IRS1: variants seen among roughly 807,000 people sequenced by gnomAD.
The protein encoded by IRS1 is insulin receptor substrate 1.
A neutral mutation model predicts 65.6 loss-of-function variants in IRS1; 34 were observed. That is an observed-to-expected ratio of 0.52 (90% confidence interval 0.39 to 0.69). The LOEUF (loss-of-function observed/expected upper bound fraction) is 0.69. Among genes scored for constraint, IRS1 ranks in the 30% least tolerant of loss-of-function variants. The pLI, the probability that IRS1 is intolerant of heterozygous loss-of-function variation, is 0.00. For missense variants in IRS1, 1,641 were observed against 1,720.2 expected (o/e 0.95, Z 0.81); for synonymous variants, 699 against 683.5 (o/e 1.02, Z -0.35).
chr2:226,756,549 C>G lies in IRS1; in HGVS notation c.*22-20299G>C, dbSNP rs181733936. 2.0e-3 allele frequency among the ~76,000 whole-genome samples: 302 copies of G among 152,316 alleles called. 2 individuals are homozygous for G. Among genetic ancestry groups the G allele is most frequent in the Non-Finnish European group, 3.3e-3 (224 of 68,038 alleles). On this transcript the variant is annotated intron_variant, in intron 1 of 1. Coordinates refer to ENST00000305123, the MANE Select transcript of IRS1 (RefSeq NM_005544.3). ...ACACATGGTTTTTTAAATCAGATGA[C>G]TTATTGATCAATTATAATATGCTTA... is the stretch of plus-strand genomic sequence containing the variant.
intron 1 of IRS1, among the ~76,000 whole-genome samples, chr2:226,769,035 AG>A (rs1306453371): frequency 9.9e-5 from 15 of 152,232 alleles, no homozygotes; most frequent in Non-Finnish European, 2.2e-4. Context: ...TCTGCAAAAT[AG>A]GAACTCATGT....
At position 226,788,775 on chromosome 2, in the gene IRS1, C is replaced by T. The variant is rs538623690; in HGVS notation, c.*21+6214G>A. Among the ~76,000 whole-genome samples the T allele has an allele frequency of 9.9e-5, 15 of 152,156 alleles. No individual in the cohort carries two copies. In the South Asian group the frequency reaches 2.9e-3, roughly 29 times the overall value. On this transcript the variant is annotated intron_variant, in intron 1 of 1. Coordinates refer to ENST00000305123, the MANE Select transcript of IRS1 (RefSeq NM_005544.3). Reference sequence around the variant, plus strand: ...GTATGCAATTATTATATCATACTAACGTTAAAATGTAATTTTAAGTTAAAA... The same window carrying T: ...GTATGCAATTATTATATCATACTAATGTTAAAATGTAATTTTAAGTTAAAA...
intron 1 of IRS1, among the ~76,000 whole-genome samples, chr2:226,788,675 T>A (rs1410470837): frequency 6.6e-6 from 1 of 152,198 alleles, no homozygotes; most frequent in Non-Finnish European, 1.5e-5. Context: ...AGCAAATAGA[T>A]GATACTTACT....
In IRS1 at chr2:226,766,138, TATATATATATATATATATATATATA is replaced by T. The variant is rs1574650711; in HGVS notation, c.*21+28826_*21+28850del. ...TCTTAATCTTATATATATATATATATATATATATATATATATATATATATATTTTTTTTTTTTTTTTTTGAGACAG... is the reference window on the plus strand; with the variant it reads ...TCTTAATCTTATATATATATATATATTTTTTTTTTTTTTTTTTTGAGACAG... On this transcript the variant is annotated intron_variant, in intron 1 of 1. Coordinates refer to ENST00000305123, the MANE Select transcript of IRS1 (RefSeq NM_005544.3). Among the ~76,000 whole-genome samples, 9 of 4,004 alleles carry T rather than the reference TATATATATATATATATATATATATA, an allele frequency of 2.2e-3. 2 individuals are homozygous for T. Among genetic ancestry groups the T allele is most frequent in the East Asian group, 0.013 (4 of 320 alleles). The allele number at this position is 4,004 out of a possible 152,430, so 2.6% of individuals were successfully genotyped here. A position where few individuals can be genotyped will look rare whatever the true frequency, so the allele number is the denominator to read the frequency against.
Position 226,798,676 on chromosome 2 carries a change from T to C in IRS1, c.63A>G (p.Lys21=), listed in dbSNP as rs1251638332. The C allele has an allele frequency of 3.1e-6, 5 of 1,612,978 alleles. No homozygotes were observed. The highest frequency in any genetic ancestry group is 4.2e-6 in the Non-Finnish European group (5 of 1,179,928). ...AGAAGCGTTTGTGCATGCTCTTGGG[T>C]TTGCGCAGGTAGCCCACCTTGCGCA... ...SDVRKVGYLR[K]PKSMHKRFFV... is the part of the protein sequence containing the mutation. Residue 21 remains lysine, a synonymous_variant, in exon 1 of 2, where the codon AAA becomes AAG. Transcript: ENST00000305123. This position sits in a 1 kb window ranked among gnomAD's most constrained non-coding sequence, Gnocchi z 9.4.
At chr2:226,786,153 T>C (rs1305974564) in intron 1 of IRS1, among the ~76,000 whole-genome samples, 1 of 149,110 alleles carries the variant, frequency 6.7e-6, no homozygotes, top group Non-Finnish European at 1.5e-5. Flanking sequence ...TTGTTGGACA[T>C]TTGGGTTGGT....
In IRS1 at chr2:226,798,742, G is replaced by A; in HGVS notation, c.-4C>T. 6.2e-7 allele frequency: 1 copy of A among 1,609,390 alleles called. No homozygotes were observed. Among genetic ancestry groups the A allele is most frequent in the Non-Finnish European group, 8.5e-7 (1 of 1,178,632 alleles). On this transcript the variant is annotated 5_prime_UTR_variant, in exon 1 of 2. An upstream open reading frame in the 5' UTR gains an earlier in-frame stop. Transcript: ENST00000305123. The surrounding 1 kb of genome is among the most constrained non-coding windows in gnomAD (Gnocchi z 9.4). ...CGCTCTCCGGAGGGCTCGCCATGCT[G>A]CCACCGCCACCACCAACGCTGAGCA...
rs1939745745 is a variant in IRS1, at chr2:226,797,098, G to A, written c.1641C>T (p.Ser547=). 2 of 1,613,574 alleles carry A rather than the reference G, an allele frequency of 1.2e-6. No homozygotes were observed. The highest frequency in any genetic ancestry group is 2.7e-5 in the African/African-American group (2 of 74,942). The part of the protein sequence containing the change: ...QKTPSQSSVA[S]IEEYTEMMPA... ...GCATCATCTCTGTGTACTCCTCAAT[G>A]GAAGCCACTGAGGACTGGGACGGGG... The change falls in exon 1 of 2, where the codon TCC becomes TCT. Residue 547 remains serine, a synonymous_variant. Transcript: ENST00000305123. This position sits in a 1 kb window ranked among gnomAD's most constrained non-coding sequence, Gnocchi z 8.1.
At position 226,796,249 on chromosome 2, in the gene IRS1, T is replaced by G. The variant is rs1574664982; in HGVS notation, c.2490A>C (p.Pro830=). Reference sequence around the variant, plus strand: ...GCTGCAGAACCTGATGGTGGGGATGTGGAAGGCTGGGCTCCAGCCTAGCCC... The same window carrying G: ...GCTGCAGAACCTGATGGTGGGGATGGGGAAGGCTGGGCTCCAGCCTAGCCC... ...YCGARLEPSL[P]HPHHQVLQPH... The change falls in exon 1 of 2, where the codon CCA becomes CCC. Residue 830 remains proline (P), a synonymous_variant. Coordinates refer to ENST00000305123, the MANE Select transcript of IRS1 (RefSeq NM_005544.3). The G allele has an allele frequency of 6.2e-7, 1 of 1,613,318 alleles. No homozygotes were observed. Among genetic ancestry groups the G allele is most frequent in the African/African-American group, 1.3e-5 (1 of 74,940 alleles).
intron 1 of IRS1, among the ~76,000 whole-genome samples, chr2:226,749,701 A>G (rs1022656144): frequency 3.9e-5 from 6 of 152,180 alleles, no homozygotes; most frequent in Non-Finnish European, 8.8e-5. Context: ...CAAAAATTCA[A>G]CTTAGTCCAT....
rs141548540 is a variant in IRS1, at chr2:226,759,968, C to T, written c.*22-23718G>A. Among the ~76,000 whole-genome samples, 1,034 of 152,198 alleles carry T rather than the reference C, an allele frequency of 6.8e-3. 12 individuals are homozygous for T. The highest frequency in any genetic ancestry group is 0.024 in the African/African-American group (991 of 41,524). ...GGCAGGCAGATCGCTTGAGCTCAGGCGTTTGAGACCAGCCTGGCCAACGTG... is the reference window on the plus strand; with the variant it reads ...GGCAGGCAGATCGCTTGAGCTCAGGTGTTTGAGACCAGCCTGGCCAACGTG... On this transcript the variant is annotated intron_variant, in intron 1 of 1. Transcript: ENST00000305123.
chr2:226,747,791 C>T (rs1938579634), intron 1 of IRS1, among the ~76,000 whole-genome samples: 1 of 152,116 alleles, frequency 6.6e-6, no homozygotes, highest in Non-Finnish European at 1.5e-5. Flanking sequence ...TAATGGTTCT[C>T]AATTTGTGTG....
Position 226,796,937 on chromosome 2 carries a change from G to A in IRS1, c.1802C>T (p.Pro601Leu), listed in dbSNP as rs146280940. Residue 601 changes from proline (P) to leucine (L), a missense_variant, in exon 1 of 2, where the codon CCA becomes CTA. Pro to Leu is a moderately conservative substitution (Grantham distance 98, BLOSUM62 -3). Around this residue, in one of 3 missense-constraint regions of IRS1, gnomAD observed 1,324 missense variants for 1,361.0 expected, o/e 0.97. Coordinates refer to ENST00000305123, the MANE Select transcript of IRS1 (RefSeq NM_005544.3). ...ATCCGTGTGGAGGGTGGAGCTGTCTGGGCGGTGGTGCCCCCCCCGACGCTC... is the reference window on the plus strand; with the variant it reads ...ATCCGTGTGGAGGGTGGAGCTGTCTAGGCGGTGGTGCCCCCCCCGACGCTC... The part of the protein sequence containing the change: ...PLERRGGHHR[P>L]DSSTLHTDDG... The A allele has an allele frequency of 3.4e-4, 531 of 1,556,596 alleles. 3 individuals carry two copies. In the African/African-American group the frequency reaches 5.5e-3, roughly 16 times the overall value.
At chr2:226,743,281 G>A (rs766250650) in intron 1 of IRS1, among the ~76,000 whole-genome samples, 2 of 151,706 alleles carry the variant, frequency 1.3e-5, no homozygotes, top group African/African-American at 2.4e-5. Flanking sequence ...CCAGGCAGGA[G>A]TGCAGTGGTG....
At chr2:226,750,867 G>A (rs1938664958) in intron 1 of IRS1, among the ~76,000 whole-genome samples, 1 of 152,174 alleles carries the variant, frequency 6.6e-6, no homozygotes, top group East Asian at 1.9e-4. Context: ...ATTAGGTTTG[G>A]GGTGGGGTCT....
intron 1 of IRS1, among the ~76,000 whole-genome samples, chr2:226,755,795 C>T (rs1336641452): frequency 6.6e-6 from 1 of 152,144 alleles, no homozygotes; most frequent in Non-Finnish European, 1.5e-5. Flanking sequence ...ACTGGGTGGC[C>T]CCATACCAAG....
chr2:226,767,781 G>T (rs571320395), intron 1 of IRS1, among the ~76,000 whole-genome samples: 1 of 152,276 alleles, frequency 6.6e-6, no homozygotes, highest in African/African-American at 2.4e-5. Context: ...TAGGGTAGAG[G>T]TGGCTTTAGT....
At chr2:226,786,785 T>TA (rs200340976) in intron 1 of IRS1, among the ~76,000 whole-genome samples, 1,331 of 116,248 alleles carry the variant, frequency 0.011, 7 homozygotes, top group Non-Finnish European at 0.016. Flanking sequence ...CTTGGTAGTC[T>TA]AAAAAAAAAA....
chr2:226,796,261 CT>C lies in IRS1; in HGVS notation c.2477del (p.Glu826GlyfsTer117), dbSNP rs1939721133. On this transcript the variant is annotated frameshift_variant, in exon 1 of 2. Transcript: ENST00000305123. LOFTEE classifies it high-confidence loss of function. ...GATGGTGGGGATGTGGAAGGCTGGG[CT>C]CCAGCCTAGCCCCGCAGTATCCCCC... ...LGGGYCGARLEPSLPHPHHQV... is the reference protein window; with the variant it reads ...LGGGYCGARLXPSLPHPHHQV... 6.2e-7 allele frequency: 1 copy of C among 1,613,338 alleles called. No individual in the cohort carries two copies. Among genetic ancestry groups the C allele is most frequent in the Non-Finnish European group, 8.5e-7 (1 of 1,180,010 alleles).
Sources: allele counts gnomAD v4.1 joint callset (sites outside exome capture counted in the v4.1 genomes callset), GRCh38; gene constraint gnomAD v4.1.1; regional missense constraint gnomAD v4.1.1; non-coding constraint Gnocchi (gnomAD v3.1); transcripts MANE v1.5; gene names NCBI Gene and HGNC (gene_info 2026-07-23, HGNC 2026-07-21).